The following TNN variants were observed in gnomAD, a reference collection of about 807,000 sequenced individuals.
TNN encodes tenascin N, also known as tenascin-N.
TNN carries 122 observed loss-of-function variants against 134.4 expected under a neutral mutation model. The observed-to-expected ratio is 0.91, with a 90% CI of 0.78 to 1.06. TNN has a LOEUF of 1.06. Among genes scored for constraint, TNN ranks in the 50% least tolerant of loss-of-function variants. The pLI is 0.00. For missense variants in TNN, 1,739 were observed against 1,699.4 expected, an observed-to-expected ratio of 1.02 and a Z score of -0.41; for synonymous variants, 710 against 670.3, an observed-to-expected ratio of 1.06 and a Z score of -0.91.
intron 9 of TNN, among the ~76,000 whole-genome samples, chr1:175,114,777 A>T (rs1675118788): frequency 6.6e-6 from 1 of 152,122 alleles, no homozygotes; most frequent in Non-Finnish European, 1.5e-5. Context: ...AGGTTGCAGG[A>T]TATGGCTGTA....
At chr1:175,140,947 A>C (rs1675931683) in intron 17 of TNN, among the ~76,000 whole-genome samples, 1 of 152,114 alleles carries the variant, frequency 6.6e-6, no homozygotes, top group African/African-American at 2.4e-5. Context: ...TGGAAGGTGA[A>C]TATTTTGATA....
intron 18 of TNN, among the ~76,000 whole-genome samples, chr1:175,145,770 G>A (rs73032622): frequency 0.11 from 16,772 of 151,730 alleles, 1,064 homozygotes; most frequent in East Asian, 0.25. Context: ...TGTCCCACCC[G>A]CTATTTCTCA....
At chr1:175,140,889 C>T (rs1189106834) in intron 17 of TNN, among the ~76,000 whole-genome samples, 1 of 152,190 alleles carries the variant, frequency 6.6e-6, no homozygotes, top group Non-Finnish European at 1.5e-5. Flanking sequence ...CTCCTGGCTA[C>T]TCATGTCTTG....
chr1:175,108,324 T>C (rs144882864), intron 9 of TNN, among the ~76,000 whole-genome samples: 5,643 of 152,264 alleles, frequency 0.037, 161 homozygotes, highest in Middle Eastern at 0.099. Context: ...CTGATTGGTG[T>C]GTTTACAATC....
At chr1:175,104,449 G>T (rs1674802082) in intron 9 of TNN, among the ~76,000 whole-genome samples, 1 of 145,694 alleles carries the variant, frequency 6.9e-6, no homozygotes, top group South Asian at 2.3e-4. Context: ...ACGGATGAGG[G>T]GGCAGCTTGT....
chr1:175,111,075 T>C (rs948681612), intron 9 of TNN, among the ~76,000 whole-genome samples: 91 of 151,554 alleles, frequency 6.0e-4, no homozygotes, highest in Non-Finnish European at 1.1e-3. Context: ...CCCAGTACTT[T>C]GGGAGGCCAA....
intron 6 of TNN, among the ~76,000 whole-genome samples, chr1:175,091,268 G>A (rs1674438601): frequency 6.6e-6 from 1 of 152,228 alleles, no homozygotes; most frequent in South Asian, 2.1e-4. Context: ...GAGAGAAAAG[G>A]GAAGGCAGGG....
At chr1:175,095,766 T>C (rs938485011) in intron 7 of TNN, among the ~76,000 whole-genome samples, 8 of 151,880 alleles carry the variant, frequency 5.3e-5, no homozygotes, top group African/African-American at 1.9e-4. Context: ...TAGAGACGGG[T>C]TTTCACTGTG....
chr1:175,094,661 G>T (rs1022176236), intron 7 of TNN, among the ~76,000 whole-genome samples: 1 of 152,206 alleles, frequency 6.6e-6, no homozygotes, highest in Non-Finnish European at 1.5e-5. Flanking sequence ...GAAATAGTTT[G>T]CATCCTAAGT....
Position 175,126,935 on chromosome 1 carries a change from A to T in TNN, c.2915-20A>T. 6.3e-7 allele frequency: 1 copy of T among 1,597,126 alleles called. No homozygotes were observed. The highest frequency in any genetic ancestry group is 8.5e-7 in the Non-Finnish European group (1 of 1,174,504). The stretch of plus-strand genomic sequence containing the variant: ...CAGTTGTATCTTAGTAATAACAATT[A>T]CCTGACTTTCTACGTACAGAACTCG... On this transcript the variant is annotated intron_variant, in intron 12 of 18. Coordinates refer to ENST00000239462, the MANE Select transcript of TNN (RefSeq NM_022093.2).
rs779963837 is a variant in TNN, at chr1:175,079,647, T to G, written c.724T>G (p.Phe242Val). The G allele has an allele frequency of 6.8e-6, 11 of 1,609,306 alleles. No individual in the cohort carries two copies. The highest frequency in any genetic ancestry group is 1.7e-4 in the Middle Eastern group (1 of 6,054). The change falls in exon 3 of 19, where the codon TTC (phenylalanine) becomes GTC (valine). Residue 242 changes from phenylalanine (F) to valine (V), a missense_variant. Physicochemically the swap from Phe to Val is conservative, Grantham distance 50. Coordinates refer to ENST00000239462, the MANE Select transcript of TNN (RefSeq NM_022093.2). The stretch of plus-strand genomic sequence containing the variant: ...TCCCGGCGACTGCAGCGGCCACGGC[T>G]TCTGTGACACGGGCGAGTGCTACTG... Reference protein sequence around the residue: ...RCPGDCSGHGFCDTGECYCEE... With the variant: ...RCPGDCSGHGVCDTGECYCEE...
chr1:175,078,840 A>G (rs1428631781), intron 2 of TNN, among the ~76,000 whole-genome samples: 1 of 152,164 alleles, frequency 6.6e-6, no homozygotes, highest in African/African-American at 2.4e-5. Flanking sequence ...CGTTTTTTCC[A>G]GACTTCAATC....
chr1:175,069,532 C>G (rs1233904467), intron 1 of TNN, among the ~76,000 whole-genome samples: 1 of 152,234 alleles, frequency 6.6e-6, no homozygotes, highest in Non-Finnish European at 1.5e-5. Flanking sequence ...GTGGGCAGAG[C>G]TCTCTTTCTG....
intron 15 of TNN, among the ~76,000 whole-genome samples, chr1:175,129,199 T>G (rs1309809493): frequency 6.6e-6 from 1 of 152,220 alleles, no homozygotes; most frequent in African/African-American, 2.4e-5. Context: ...ATTACTATAT[T>G]TTGCGAGAAT....
At chr1:175,139,218 G>T (rs1675890014) in intron 17 of TNN, among the ~76,000 whole-genome samples, 1 of 152,030 alleles carries the variant, frequency 6.6e-6, no homozygotes, top group South Asian at 2.1e-4. Context: ...TTATCTTATT[G>T]TAACTGTTTT....
At chr1:175,079,026 G>A (rs146726989) in intron 2 of TNN, among the ~76,000 whole-genome samples, 18 of 152,198 alleles carry the variant, frequency 1.2e-4, no homozygotes, top group African/African-American at 4.3e-4. Context: ...GGAAGGAACC[G>A]GGGAATTCAC....
intron 1 of TNN, among the ~76,000 whole-genome samples, chr1:175,073,338 C>G (rs1356311199): frequency 6.6e-6 from 1 of 152,120 alleles, no homozygotes; most frequent in Non-Finnish European, 1.5e-5. Context: ...TGATGAACGT[C>G]TAAGGATGGC....
At chr1:175,138,662 T>C (rs1259724691) in intron 17 of TNN, among the ~76,000 whole-genome samples, 1 of 152,196 alleles carries the variant, frequency 6.6e-6, no homozygotes. Flanking sequence ...ATACTGTCAC[T>C]TCTTTCCTAA....
intron 9 of TNN, among the ~76,000 whole-genome samples, chr1:175,116,717 A>G (rs1192429945): frequency 2.6e-5 from 4 of 152,196 alleles, no homozygotes; most frequent in African/African-American, 9.6e-5. Flanking sequence ...AGTGCTTCTG[A>G]CTTTGGATTT....
Sources: allele counts gnomAD v4.1 joint callset (sites outside exome capture counted in the v4.1 genomes callset), GRCh38; gene constraint gnomAD v4.1.1; transcripts MANE v1.5; gene names NCBI Gene and HGNC (gene_info 2026-07-23, HGNC 2026-07-21).